The following KIF26B variants were observed in gnomAD, a reference collection of about 807,000 sequenced individuals.
KIF26B encodes kinesin-like protein KIF26B.
A neutral mutation model predicts 151.2 loss-of-function variants in KIF26B; 63 were observed. That is an observed-to-expected ratio of 0.42 (90% confidence interval 0.34 to 0.51). The LOEUF (loss-of-function observed/expected upper bound fraction) is 0.51. KIF26B is among the 20% of genes least tolerant of loss of function. The pLI, the probability that KIF26B is intolerant of heterozygous loss-of-function variation, is 0.07. For missense variants in KIF26B, 2,813 were observed against 2,913.6 expected (o/e 0.97, Z 0.79); for synonymous variants, 1,357 against 1,262.1 (o/e 1.08, Z -1.59).
chr1:245,270,183 CATT>C (rs1670826664), intron 2 of KIF26B, among the ~76,000 whole-genome samples: 1 of 114,350 alleles, frequency 8.7e-6, no homozygotes, highest in African/African-American at 3.5e-5. Flanking sequence ...TCTTCCCTTC[CATT>C]CCTTCTTCTT....
chr1:245,610,022 C>T (rs1406904012), intron 8 of KIF26B, among the ~76,000 whole-genome samples: 1 of 152,172 alleles, frequency 6.6e-6, no homozygotes, highest in African/African-American at 2.4e-5. Context: ...AAGAGAAGCT[C>T]CAGTTCACCA....
At chr1:245,191,575 CAA>C (rs1246580860) in intron 2 of KIF26B, among the ~76,000 whole-genome samples, 1 of 152,126 alleles carries the variant, frequency 6.6e-6, no homozygotes, top group East Asian at 1.9e-4. Flanking sequence ...GAAGGTATCA[CAA>C]GAGAAAATAT....
intron 2 of KIF26B, among the ~76,000 whole-genome samples, chr1:245,234,981 G>A (rs1670077739): frequency 6.6e-6 from 1 of 152,174 alleles, no homozygotes; most frequent in Non-Finnish European, 1.5e-5. Flanking sequence ...AGAAGGCAGA[G>A]TCCGTGGGAG....
chr1:245,476,597 G>A (rs1038439392), intron 4 of KIF26B, among the ~76,000 whole-genome samples: 2 of 151,340 alleles, frequency 1.3e-5, no homozygotes, highest in South Asian at 2.1e-4. Flanking sequence ...GTGCAGTGGC[G>A]TGACCTTGGC....
At chr1:245,443,637 G>A (rs540382772) in intron 4 of KIF26B, among the ~76,000 whole-genome samples, 1 of 98,124 alleles carries the variant, frequency 1.0e-5, no homozygotes, top group Non-Finnish European at 2.1e-5. Context: ...CACCTAGAGC[G>A]GTCATCTCTC....
chr1:245,312,699 C>A (rs1166315975), intron 2 of KIF26B, among the ~76,000 whole-genome samples: 1 of 152,080 alleles, frequency 6.6e-6, no homozygotes, highest in East Asian at 1.9e-4. Flanking sequence ...CGTGACATGC[C>A]CAAGTTCATG....
In KIF26B at chr1:245,415,794, T is replaced by G. The variant is rs74153577; in HGVS notation, c.1000-3785T>G. On this transcript the variant is annotated intron_variant, in intron 3 of 14. Coordinates refer to ENST00000407071, the MANE Select transcript of KIF26B (RefSeq NM_018012.4). ...CCTGAATCTTCAGCATCTACTTTTT[T>G]TTTTTTTTTTGCCTGACATATACCA... is the stretch of plus-strand genomic sequence containing the variant. Among the ~76,000 whole-genome samples, 680 of 151,964 alleles carry G rather than the reference T, an allele frequency of 4.5e-3. 4 individuals are homozygous for G. Among genetic ancestry groups the G allele is most frequent in the African/African-American group, 0.016 (655 of 41,452 alleles).
chr1:245,176,051 A>G (rs1188838854), intron 2 of KIF26B, among the ~76,000 whole-genome samples: 3 of 151,808 alleles, frequency 2.0e-5, no homozygotes, highest in Admixed American at 6.6e-5. Flanking sequence ...CTTGTTGCCC[A>G]GGCTGGGGAA....
intron 5 of KIF26B, among the ~76,000 whole-genome samples, chr1:245,543,819 G>A (rs184021580): frequency 3.3e-5 from 5 of 152,228 alleles, no homozygotes; most frequent in African/African-American, 1.2e-4. Context: ...TTGGCGGCAC[G>A]TACCTGTAAT....
At chr1:245,454,585 C>A (rs72762810) in intron 4 of KIF26B, among the ~76,000 whole-genome samples, 4,470 of 152,274 alleles carry the variant, frequency 0.029, 158 homozygotes, top group African/African-American at 0.081. Context: ...CCTTTGATAC[C>A]TTCCATTGGG....
At chr1:245,660,516 T>G (rs1178741202) in intron 10 of KIF26B, among the ~76,000 whole-genome samples, 1 of 151,408 alleles carries the variant, frequency 6.6e-6, no homozygotes, top group Non-Finnish European at 1.5e-5. Context: ...TTTTAAAAAT[T>G]TTTTTCTAGA....
intron 5 of KIF26B, among the ~76,000 whole-genome samples, chr1:245,569,892 T>C (rs1422594294): frequency 6.6e-6 from 1 of 150,710 alleles, no homozygotes; most frequent in African/African-American, 2.4e-5. Context: ...ATCACTTATC[T>C]TTCCCTTGAG....
intron 2 of KIF26B, among the ~76,000 whole-genome samples, chr1:245,197,606 G>T (rs193116817): frequency 1.3e-5 from 2 of 151,980 alleles, no homozygotes; most frequent in African/African-American, 2.4e-5. Context: ...ATGGAGAAAA[G>T]GTATATATTT....
intron 2 of KIF26B, among the ~76,000 whole-genome samples, chr1:245,185,991 C>T (rs955984743): frequency 2.0e-5 from 3 of 152,138 alleles, no homozygotes; most frequent in Non-Finnish European, 4.4e-5. Flanking sequence ...TCTCCTGCCT[C>T]AGCCTCCTGA....
chr1:245,249,923 C>A (rs1462773425), intron 2 of KIF26B, among the ~76,000 whole-genome samples: 1 of 152,102 alleles, frequency 6.6e-6, no homozygotes, highest in Admixed American at 6.6e-5. Context: ...AATTGTTATA[C>A]CACGAGACAG....
chr1:245,416,554 G>T (rs1488121454), intron 3 of KIF26B, among the ~76,000 whole-genome samples: 4 of 152,124 alleles, frequency 2.6e-5, no homozygotes, highest in Admixed American at 2.6e-4. Flanking sequence ...ACTATTAAAT[G>T]CATGATATGA....
At chr1:245,533,406 G>A (rs138879277) in intron 4 of KIF26B, among the ~76,000 whole-genome samples, 113 of 152,212 alleles carry the variant, frequency 7.4e-4, no homozygotes, top group African/African-American at 2.4e-3. Context: ...TGTAGAGCTC[G>A]AATGACCTCT....
rs1208410243 is a variant in KIF26B at position 245,667,043 on chromosome 1, G to A, written c.2259-17190G>A. Among the ~76,000 whole-genome samples the A allele has an allele frequency of 1.3e-5, 2 of 152,164 alleles. No individual in the cohort carries two copies. Among genetic ancestry groups the A allele is most frequent in the African/African-American group, 4.8e-5 (2 of 41,436 alleles). On this transcript the variant is annotated intron_variant, in intron 10 of 14. Transcript: ENST00000407071. This position sits in a 1 kb window ranked among gnomAD's most constrained non-coding sequence, Gnocchi z 4.3. ...TGTGATCCACCCTTGAAGACTGTGA[G>A]CTGTGCAGAACGAAGCAGGTCATGG...
rs2044231234 is a variant in KIF26B at position 245,667,608 on chromosome 1, A to G, written c.2259-16625A>G. On this transcript the variant is annotated intron_variant, in intron 10 of 14. Transcript: ENST00000407071. The surrounding 1 kb of genome is among the most constrained non-coding windows in gnomAD (Gnocchi z 4.3). The stretch of plus-strand genomic sequence containing the variant: ...ACACCCAGTAGATACTTATTTAAAT[A>G]CTTATAGAAAGACGACTTTATGCCG... Among the ~76,000 whole-genome samples the G allele has an allele frequency of 6.6e-6, 1 of 152,190 alleles. No homozygotes were observed. The highest frequency in any genetic ancestry group is 1.5e-5 in the Non-Finnish European group (1 of 68,040).
Sources: allele counts gnomAD v4.1 joint callset (sites outside exome capture counted in the v4.1 genomes callset), GRCh38; gene constraint gnomAD v4.1.1; non-coding constraint Gnocchi (gnomAD v3.1); transcripts MANE v1.5; gene names NCBI Gene and HGNC (gene_info 2026-07-23, HGNC 2026-07-21).